The following RDX variants were observed in gnomAD, a reference collection of about 807,000 sequenced individuals.
RDX encodes radixin.
RDX carries 32 observed loss-of-function variants against 83.7 expected under a neutral mutation model. The ratio of observed to expected loss-of-function variants is 0.38; its 90% CI spans 0.29 to 0.51. RDX has a LOEUF of 0.51. RDX is among the 20% of genes least tolerant of loss of function. The probability of loss-of-function intolerance (pLI) is 0.87; values close to 1 mark genes in which losing one functional copy is unlikely to be tolerated. For synonymous variants in RDX, 229 were observed against 222.7 expected, an observed-to-expected ratio of 1.03 and a Z score of -0.25; for missense variants, 600 against 689.9, an observed-to-expected ratio of 0.87 and a Z score of 1.46.
At chr11:110,249,944 T>G (rs1291729404) in intron 9 of RDX, among the ~76,000 whole-genome samples, 2 of 151,904 alleles carry the variant, frequency 1.3e-5, no homozygotes, top group Admixed American at 6.6e-5. Context: ...TGTTCTGGAG[T>G]TCCCTATGCC....
chr11:110,240,418 G>A (rs1325823955), intron 10 of RDX, among the ~76,000 whole-genome samples: 1 of 152,118 alleles, frequency 6.6e-6, no homozygotes. Flanking sequence ...GAATAGAAAT[G>A]TATTTATTAC....
chr11:110,179,459 C>G (rs538199617), intron 15 of RDX, among the ~76,000 whole-genome samples: 1 of 152,180 alleles, frequency 6.6e-6, no homozygotes. Context: ...CCTGCCTCCA[C>G]AGAGTAATCA....
intron 1 of RDX, among the ~76,000 whole-genome samples, chr11:110,295,996 G>A (rs1168101637): frequency 6.6e-6 from 1 of 152,248 alleles, no homozygotes; most frequent in Non-Finnish European, 1.5e-5. Context: ...CGGGGAACAA[G>A]TTCTAATAAA....
Position 110,264,785 on chromosome 11 carries a change from A to G in RDX, c.186T>C (p.Asn62=), listed in dbSNP as rs776187910. The G allele has an allele frequency of 1.9e-6, 3 of 1,605,080 alleles. No individual in the cohort carries two copies. In the African/African-American group the frequency reaches 4.0e-5, roughly 21 times the overall value. Residue 62 remains asparagine, a synonymous_variant, in exon 4 of 14, where the codon AAT becomes AAC. Coordinates refer to ENST00000645495, the MANE Select transcript of RDX (RefSeq NM_002906.4). ...SKGYSTWLKL[N]KKVTQQDVKK... ...GTTATCGTACATATTTTACCTTTTT[A>G]TTTAGTTTAAGCCATGTAGAATAAC...
intron 10 of RDX, among the ~76,000 whole-genome samples, chr11:110,239,360 C>A (rs2134318082): frequency 6.6e-6 from 1 of 152,100 alleles, no homozygotes; most frequent in Middle Eastern, 3.4e-3. Flanking sequence ...CTAAAAAGCT[C>A]TATACAGCAA....
intron 15 of RDX, among the ~76,000 whole-genome samples, chr11:110,178,325 G>A (rs1862817672): frequency 9.3e-6 from 1 of 107,816 alleles, no homozygotes; most frequent in Non-Finnish European, 1.9e-5. Context: ...GCCCAAATCA[G>A]GGGTGCAAAA....
intron 8 of RDX, among the ~76,000 whole-genome samples, chr11:110,254,461 T>G (rs942406788): frequency 2.0e-5 from 3 of 151,604 alleles, no homozygotes. Flanking sequence ...GGCTGTAGAG[T>G]TTTTTTTAAC....
chr11:110,291,203 T>A (rs951246842), intron 1 of RDX, among the ~76,000 whole-genome samples: 2 of 152,090 alleles, frequency 1.3e-5, no homozygotes, highest in Admixed American at 1.3e-4. Context: ...TGTGCACATG[T>A]AGTCTTAGCT....
chr11:110,237,568 T>A lies in RDX; in HGVS notation c.1175A>T (p.Glu392Val). The change falls in exon 11 of 14, where the codon GAG becomes GTG. Residue 392 changes from glutamate (E) to valine (V), a missense_variant. Transcript: ENST00000645495. ...AKEEAERLEKERRAAEEAKSA... is the reference protein window; with the variant it reads ...AKEEAERLEKVRRAAEEAKSA... Reference sequence around the variant, plus strand: ...CTTTGCCTCTTCAGCAGCTCGACGCTCCTTTTCAAGTCGTTCTGCTTCTTC... The same window carrying A: ...CTTTGCCTCTTCAGCAGCTCGACGCACCTTTTCAAGTCGTTCTGCTTCTTC... 1 of 1,614,124 alleles carries A rather than the reference T, an allele frequency of 6.2e-7. No homozygotes were observed. The highest frequency in any genetic ancestry group is 8.5e-7 in the Non-Finnish European group (1 of 1,180,032).
intron 14 of RDX, among the ~76,000 whole-genome samples, chr11:110,202,357 A>G (rs1166999296): frequency 6.6e-6 from 1 of 151,900 alleles, no homozygotes; most frequent in South Asian, 2.1e-4. Flanking sequence ...CATGCCACTC[A>G]CATTCCAGCC....
intron 15 of RDX, among the ~76,000 whole-genome samples, chr11:110,182,446 CA>C (rs1215944179): frequency 3.9e-5 from 6 of 152,126 alleles, no homozygotes; most frequent in Admixed American, 2.6e-4. Flanking sequence ...ACTGAAAATA[CA>C]AAAACCAGCC....
intron 2 of RDX, among the ~76,000 whole-genome samples, chr11:110,278,807 AATG>A (rs990417178): frequency 2.6e-5 from 4 of 152,030 alleles, no homozygotes; most frequent in Admixed American, 1.3e-4. Flanking sequence ...AAATCCCAAA[AATG>A]ATAACTAATG....
rs2306085 is a variant in RDX, at chr11:110,255,472, A to G, written c.699-87T>C. 304,491 of 737,872 alleles carry G rather than the reference A, an allele frequency of 0.41. 64,101 individuals are homozygous for G. The highest frequency in any genetic ancestry group is 0.6 in the East Asian group (22,999 of 38,644). The allele number at this position is 737,872 out of a possible 1,614,324, so 45.7% of individuals were successfully genotyped here. The stretch of plus-strand genomic sequence containing the variant: ...AGGACCTAAACTGACTGAATGACCA[A>G]TCTTAAGAGTTCCAGATTTTCAAAA... On this transcript the variant is annotated intron_variant, in intron 7 of 13. Transcript: ENST00000645495.
At chr11:110,260,502 C>T (rs973617514) in intron 5 of RDX, among the ~76,000 whole-genome samples, 1 of 152,140 alleles carries the variant, frequency 6.6e-6, no homozygotes, top group Non-Finnish European at 1.5e-5. Flanking sequence ...AGTGCAGTGG[C>T]GCCATCTTGG....
At position 110,263,998 on chromosome 11, in the gene RDX, C is replaced by T; in HGVS notation, c.429G>A (p.Lys143=). 1.9e-6 allele frequency: 3 copies of T among 1,613,780 alleles called. No individual in the cohort carries two copies. The highest frequency in any genetic ancestry group is 2.5e-6 in the Non-Finnish European group (3 of 1,179,750). Residue 143 remains lysine (K), a synonymous_variant, in exon 5 of 14, where the codon AAG becomes AAA. Coordinates refer to ENST00000645495, the MANE Select transcript of RDX (RefSeq NM_002906.4). ...KYGDYNKEIH[K]PGYLANDRLL... ...GTCTATCATTAGCCAGGTAGCCTGG[C>T]TTATGAATCTCTTTATTGTAATCTC...
chr11:110,278,927 C>A (rs920028503), intron 2 of RDX, among the ~76,000 whole-genome samples: 3 of 150,768 alleles, frequency 2.0e-5, no homozygotes, highest in African/African-American at 7.3e-5. Flanking sequence ...TAAAGGAATC[C>A]TTAGTCAAGA....
chr11:110,249,374 G>A (rs775208231), intron 9 of RDX, among the ~76,000 whole-genome samples: 2 of 151,896 alleles, frequency 1.3e-5, no homozygotes, highest in Non-Finnish European at 2.9e-5. Context: ...CAAAAATTTC[G>A]CCCTTATTTA....
At chr11:110,203,260 C>T (rs1255635127) in intron 14 of RDX, among the ~76,000 whole-genome samples, 1 of 151,804 alleles carries the variant, frequency 6.6e-6, no homozygotes, top group Non-Finnish European at 1.5e-5. Context: ...AAGCCAAGCA[C>T]AGAAGGACAA....
chr11:110,223,771 T>C (rs1401685346), intron 14 of RDX, among the ~76,000 whole-genome samples: 1 of 152,110 alleles, frequency 6.6e-6, no homozygotes, highest in African/African-American at 2.4e-5. Flanking sequence ...GTTTTTGACT[T>C]TTAAAAAATC....
Sources: gnomAD v4.1 joint callset for allele counts (sites outside exome capture counted in the v4.1 genomes callset) on GRCh38, gnomAD v4.1.1 for gene constraint, MANE v1.5 for transcripts, NCBI Gene and HGNC (gene_info 2026-07-23, HGNC 2026-07-21) for gene names.